AIG1: variants seen among roughly 807,000 people sequenced by gnomAD.
AIG1 encodes the protein androgen-induced gene 1 protein.
Under a neutral mutation model 31.4 loss-of-function variants are expected in AIG1, and 23 were observed. That is an observed-to-expected ratio of 0.73 (90% CI 0.53 to 1.04). The LOEUF (loss-of-function observed/expected upper bound fraction) is 1.04, where lower values mean the gene tolerates loss of function less well. Among genes scored for constraint, AIG1 ranks in the 50% least tolerant of loss-of-function variants. AIG1 has a pLI of 0.00. For synonymous variants in AIG1, 100 were observed against 110.5 expected, an observed-to-expected ratio of 0.90 and a Z score of 0.60; for missense variants, 274 against 295.0, an observed-to-expected ratio of 0.93 and a Z score of 0.52.
chr6:143,270,449 T>A (rs1796436882), intron 3 of AIG1, among the ~76,000 whole-genome samples: 1 of 152,230 alleles, frequency 6.6e-6, no homozygotes, highest in Admixed American at 6.5e-5. Flanking sequence ...CACGCTTCTA[T>A]AACTACCCAC....
intron 3 of AIG1, among the ~76,000 whole-genome samples, chr6:143,261,822 A>G (rs1276475874): frequency 6.6e-6 from 1 of 152,048 alleles, no homozygotes; most frequent in Non-Finnish European, 1.5e-5. Flanking sequence ...TAAACAAACA[A>G]CTCTAGCTTT....
intron 3 of AIG1, among the ~76,000 whole-genome samples, chr6:143,224,175 G>A (rs1283634530): frequency 6.6e-6 from 1 of 152,102 alleles, no homozygotes. Context: ...GGGTGATTTC[G>A]CTCCTGAGTT....
At chr6:143,102,594 G>A (rs1374213706) in intron 1 of AIG1, among the ~76,000 whole-genome samples, 2 of 147,782 alleles carry the variant, frequency 1.4e-5, no homozygotes, top group Non-Finnish European at 1.5e-5. Flanking sequence ...TATATATAGG[G>A]TCATAGAACA....
At chr6:143,163,648 T>A (rs137976765) in intron 2 of AIG1, among the ~76,000 whole-genome samples, 1 of 152,300 alleles carries the variant, frequency 6.6e-6, no homozygotes, top group Non-Finnish European at 1.5e-5. Flanking sequence ...GACTTCCTAG[T>A]ACGTTATCCA....
At chr6:143,121,332 C>T (rs1440456816) in intron 1 of AIG1, among the ~76,000 whole-genome samples, 1 of 152,194 alleles carries the variant, frequency 6.6e-6, no homozygotes, top group Non-Finnish European at 1.5e-5. Flanking sequence ...CCAGCATTTA[C>T]CAGTTTGAAT....
intron 3 of AIG1, among the ~76,000 whole-genome samples, chr6:143,166,900 C>A (rs981015329): frequency 3.9e-5 from 6 of 152,162 alleles, no homozygotes; most frequent in Non-Finnish European, 8.8e-5. Context: ...GAACCCAGGC[C>A]TATCTGGCCT....
intron 3 of AIG1, among the ~76,000 whole-genome samples, chr6:143,212,992 GAC>G (rs1791707856): frequency 6.6e-6 from 1 of 152,152 alleles, no homozygotes; most frequent in Non-Finnish European, 1.5e-5. Flanking sequence ...CCACAATGCA[GAC>G]ATCTCTGGAT....
chr6:143,240,943 T>C (rs951125774), intron 3 of AIG1, among the ~76,000 whole-genome samples: 1 of 152,192 alleles, frequency 6.6e-6, no homozygotes, highest in Non-Finnish European at 1.5e-5. Context: ...ACTCCTCAGA[T>C]GGAAATGATA....
At chr6:143,318,710 A>C (rs545194241) in intron 4 of AIG1, among the ~76,000 whole-genome samples, 1 of 152,256 alleles carries the variant, frequency 6.6e-6, no homozygotes, top group Non-Finnish European at 1.5e-5. Context: ...AGCGGGAGAA[A>C]ATCTTCACAA....
intron 3 of AIG1, among the ~76,000 whole-genome samples, chr6:143,172,941 T>C (rs1319014103): frequency 1.3e-5 from 2 of 152,224 alleles, no homozygotes; most frequent in Non-Finnish European, 2.9e-5. Context: ...TTGAGCTTAT[T>C]TGGATCTTCT....
chr6:143,285,795 T>TA (rs1324516972), intron 4 of AIG1, among the ~76,000 whole-genome samples: 3 of 152,032 alleles, frequency 2.0e-5, no homozygotes, highest in Admixed American at 6.5e-5. Context: ...CTTTCTCTGA[T>TA]AAAAAATGTC....
intron 4 of AIG1, among the ~76,000 whole-genome samples, chr6:143,301,853 A>G (rs1409197982): frequency 6.6e-6 from 1 of 152,244 alleles, no homozygotes; most frequent in East Asian, 1.9e-4. Flanking sequence ...ATGAAAATAA[A>G]TAGAATATTG....
At chr6:143,342,352 C>T (rs532216809), downstream of AIG1, 28 of 671,800 alleles carry the variant, frequency 4.2e-5, no homozygotes, top group South Asian at 4.2e-4. Flanking sequence ...CTAGCCCCGC[C>T]GCAGCTGCTT....
At chr6:143,091,192 C>G (rs1011868939) in intron 1 of AIG1, among the ~76,000 whole-genome samples, 1 of 152,198 alleles carries the variant, frequency 6.6e-6, no homozygotes, top group African/African-American at 2.4e-5. Context: ...TCTACCACAT[C>G]TGCAGTTAAC....
chr6:143,306,381 G>A (rs1397974923), intron 4 of AIG1, among the ~76,000 whole-genome samples: 1 of 152,066 alleles, frequency 6.6e-6, no homozygotes, highest in Admixed American at 6.6e-5. Flanking sequence ...TCCTTTCCAT[G>A]TTTAGTGCTT....
intron 3 of AIG1, chr6:143,190,540 T>G: frequency 5.1e-6 from 5 of 985,178 alleles, no homozygotes; most frequent in Non-Finnish European, 6.0e-6. Flanking sequence ...TTTTTAAGAA[T>G]CATATGAGAT....
chr6:143,260,801 A>T (rs1583655305), intron 3 of AIG1, among the ~76,000 whole-genome samples: 1 of 152,120 alleles, frequency 6.6e-6, no homozygotes, highest in African/African-American at 2.4e-5. Context: ...TAGAATTCCA[A>T]CCCAGGTGTA....
intron 1 of AIG1, among the ~76,000 whole-genome samples, chr6:143,120,627 G>C (rs901304594): frequency 6.6e-6 from 1 of 152,156 alleles, no homozygotes; most frequent in Non-Finnish European, 1.5e-5. Context: ...GTTCCACCAG[G>C]TCCCTGTCAT....
chr6:143,270,930 G>A (rs1204676255), intron 3 of AIG1, among the ~76,000 whole-genome samples: 2 of 152,256 alleles, frequency 1.3e-5, no homozygotes, highest in East Asian at 1.9e-4. Context: ...GTGTGCTTGC[G>A]TATGTTTGCA....
Sources: gnomAD v4.1 joint callset for allele counts (sites outside exome capture counted in the v4.1 genomes callset) on GRCh38, gnomAD v4.1.1 for gene constraint, MANE v1.5 for transcripts, NCBI Gene and HGNC (gene_info 2026-07-23, HGNC 2026-07-21) for gene names.